Variants in RAF1 observed in about 807,000 individuals in gnomAD.
The protein encoded by RAF1 is Raf-1 proto-oncogene, serine/threonine kinase, also known as RAF proto-oncogene serine/threonine-protein kinase.
A neutral mutation model predicts 81.1 loss-of-function variants in RAF1; 27 were observed. The observed-to-expected ratio is 0.33, with a 90% confidence interval of 0.25 to 0.46. RAF1 has a LOEUF of 0.46. Ranked by LOEUF, RAF1 falls within the 20% of genes least tolerant of loss-of-function variation. The pLI, the probability that RAF1 is intolerant of heterozygous loss-of-function variation, is 1.00. For synonymous variants in RAF1, 298 were observed against 294.0 expected (o/e 1.01, Z -0.14); for missense variants, 598 against 826.0 (o/e 0.72, Z 3.38).
intron 1 of RAF1, among the ~76,000 whole-genome samples, chr3:12,633,853 T>G (rs1243974919): frequency 6.7e-6 from 1 of 149,138 alleles, no homozygotes; most frequent in East Asian, 2.0e-4. Context: ...GAGAATCCCT[T>G]GAACCCAGGA....
intron 1 of RAF1, among the ~76,000 whole-genome samples, chr3:12,648,104 C>T (rs769262663): frequency 3.2e-4 from 48 of 151,996 alleles, no homozygotes; most frequent in African/African-American, 8.9e-4. Context: ...TTTTTTAACC[C>T]GAGTTTTTCT....
chr3:12,644,330 A>G (rs1302381206), intron 1 of RAF1, among the ~76,000 whole-genome samples: 4 of 152,212 alleles, frequency 2.6e-5, no homozygotes, highest in Non-Finnish European at 5.9e-5. Context: ...TATTTTATCA[A>G]CGTCTAGAGA....
intron 2 of RAF1, among the ~76,000 whole-genome samples, chr3:12,615,108 A>G (rs2059333279): frequency 6.6e-6 from 1 of 152,190 alleles, no homozygotes; most frequent in South Asian, 2.1e-4. Flanking sequence ...ACATCCAAGG[A>G]TTCTGATTCA....
At chr3:12,623,868 T>C (rs1466768637) in intron 1 of RAF1, among the ~76,000 whole-genome samples, 12 of 151,182 alleles carry the variant, frequency 7.9e-5, no homozygotes, top group African/African-American at 2.2e-4. Flanking sequence ...TTTCTTTTTT[T>C]TTTTTTGAGA....
chr3:12,585,728 T>C lies in RAF1; in HGVS notation c.1549A>G (p.Ser517Gly). The change falls in exon 15 of 18, where the codon AGT (serine) becomes GGT (glycine). Residue 517 changes from serine (S) to glycine (G), a missense_variant. Ser to Gly is a moderately conservative substitution (Grantham distance 56). This residue lies in a region of RAF1 where 147 missense variants were observed against 196.1 expected (regional missense o/e 0.75). Transcript: ENST00000442415. The stretch of plus-strand genomic sequence containing the variant: ...GGTTGTTCAACCTGCTGAGAACCAC[T>C]CCAGCGTGACTTTACTGTTGCCAAA... 1.9e-6 allele frequency: 3 copies of C among 1,614,228 alleles called. No individual in the cohort carries two copies. In the South Asian group the frequency reaches 3.3e-5, roughly 18 times the overall value.
chr3:12,611,809 C>T, intron 3 of RAF1, 141 bp downstream of exon 3: 2 of 706,222 alleles, frequency 2.8e-6, no homozygotes, highest in Admixed American at 4.6e-5. Flanking sequence ...ACCTATTTTT[C>T]TGAATTATCT....
intron 1 of RAF1, among the ~76,000 whole-genome samples, chr3:12,628,039 G>A (rs2125487006): frequency 6.6e-6 from 1 of 152,360 alleles, no homozygotes; most frequent in South Asian, 2.1e-4. Flanking sequence ...ATAATCGCTT[G>A]AACCTGGGAG....
intron 1 of RAF1, among the ~76,000 whole-genome samples, chr3:12,623,377 G>A (rs929279851): frequency 6.6e-6 from 1 of 152,164 alleles, no homozygotes; most frequent in Admixed American, 6.5e-5. Flanking sequence ...AGAATATACT[G>A]CAATAACTTT....
In RAF1 at chr3:12,583,887, G is replaced by A. The variant is rs879160471; in HGVS notation, c.*627C>T. 1.0e-4 allele frequency: 24 copies of A among 235,054 alleles called. No individual in the cohort carries two copies. Among genetic ancestry groups the A allele is most frequent in the South Asian group, 3.6e-4 (2 of 5,596 alleles). The allele number at this position is 235,054 out of a possible 1,614,324, so 14.6% of individuals were successfully genotyped here. ...CTGCTCCCTGAGAGGGCTGAGATGC[G>A]GATTGGCCGAGTGCCTTGCCTGGAA... On this transcript the variant is annotated 3_prime_UTR_variant, in exon 18 of 18. Transcript: ENST00000442415.
At chr3:12,602,383 TAAAA>T (rs895373868) in intron 8 of RAF1, among the ~76,000 whole-genome samples, 13 of 152,186 alleles carry the variant, frequency 8.5e-5, no homozygotes, top group Admixed American at 7.9e-4. Context: ...TCTTTTATAA[TAAAA>T]ACTCAAAAAT....
At chr3:12,660,220 T>C (rs1575692786) in intron 1 of RAF1, among the ~76,000 whole-genome samples, 2 of 152,164 alleles carry the variant, frequency 1.3e-5, no homozygotes, top group Admixed American at 1.3e-4. Context: ...TGTCAGAAAT[T>C]ACCAGCTTAA....
rs35539372 is a variant in RAF1 at position 12,628,751 on chromosome 3, T to TGGG, written c.-26-10007_-26-10005dup. Among the ~76,000 whole-genome samples, 93 of 82,204 alleles carry TGGG rather than the reference T, an allele frequency of 1.1e-3. 1 individual carries two copies. Among genetic ancestry groups the TGGG allele is most frequent in the Middle Eastern group, 7.9e-3 (1 of 126 alleles). 53.9% of individuals were successfully genotyped at this position (82,204 alleles called of 152,430 possible). On this transcript the variant is annotated intron_variant, in intron 1 of 17. Transcript: ENST00000442415. ...AGTATGATGAACCTGAGACTATTTTTGGGGGGGGGGGGTGGCGGGGCACAT... is the reference window on the plus strand; with the variant it reads ...AGTATGATGAACCTGAGACTATTTTTGGGGGGGGGGGGGGGTGGCGGGGCACAT...
At chr3:12,639,571 A>C (rs1175766587) in intron 1 of RAF1, among the ~76,000 whole-genome samples, 1 of 152,142 alleles carries the variant, frequency 6.6e-6, no homozygotes, top group African/African-American at 2.4e-5. Context: ...ATTCCTATAC[A>C]CCAATAACAG....
intron 1 of RAF1, among the ~76,000 whole-genome samples, chr3:12,622,888 C>T (rs1466834611): frequency 6.6e-6 from 1 of 152,092 alleles, no homozygotes; most frequent in African/African-American, 2.4e-5. Context: ...GTCAGCCGGG[C>T]GCAGTTGTTC....
intron 11 of RAF1, among the ~76,000 whole-genome samples, chr3:12,594,036 G>C (rs1023221452): frequency 1.3e-5 from 2 of 152,140 alleles, no homozygotes; most frequent in Non-Finnish European, 2.9e-5. Context: ...CAGAAATAAA[G>C]GTGAGGTGAG....
chr3:12,585,401 C>T (rs986721281), intron 15 of RAF1, 148 bp from the exon 15 acceptor site: 123 of 1,533,212 alleles, frequency 8.0e-5, no homozygotes, highest in Non-Finnish European at 1.0e-4. Flanking sequence ...GACTCCAACT[C>T]AGGCACTGGT....
chr3:12,650,974 C>G (rs187289110), intron 1 of RAF1, among the ~76,000 whole-genome samples: 1 of 152,062 alleles, frequency 6.6e-6, no homozygotes. Flanking sequence ...AAAACAAAAG[C>G]TAAAGTGTGC....
Position 12,585,767 on chromosome 3 carries a change from T to C in RAF1, c.1510A>G (p.Ile504Val), listed in dbSNP as rs2058314665. 2 of 1,613,876 alleles carry C rather than the reference T, an allele frequency of 1.2e-6. No individual in the cohort carries two copies. The highest frequency in any genetic ancestry group is 1.7e-6 in the Non-Finnish European group (2 of 1,179,878). ...ACTGTTGCCAAACCAAAATCTCCAA[T>C]TTTCACTGTTAAGCCTTCATGGAGA... The change falls in exon 15 of 18, where the codon ATT becomes GTT. Residue 504 changes from isoleucine to valine, a missense_variant. Ile to Val is a conservative substitution (Grantham distance 29). Transcript: ENST00000442415.
At position 12,584,601 on chromosome 3, in the gene RAF1, A is replaced by G. The variant is rs2125316647; in HGVS notation, c.1920T>C (p.Ala640=). 6.2e-7 allele frequency: 1 copy of G among 1,614,120 alleles called. No individual in the cohort carries two copies. Among genetic ancestry groups the G allele is most frequent in the Non-Finnish European group, 8.5e-7 (1 of 1,179,988 alleles). The change falls in exon 18 of 18, where the codon GCT becomes GCC. Residue 640 remains alanine (A), a synonymous_variant. Coordinates refer to ENST00000442415, the MANE Select transcript of RAF1 (RefSeq NM_001354689.3). ...CTGCCCGATGCAAGGATGGCTCGGA[A>G]GCGCTCCGGTTGATCTTCGGTAGAG...
Sources: gnomAD v4.1 joint callset for allele counts (sites outside exome capture counted in the v4.1 genomes callset) on GRCh38, gnomAD v4.1.1 for gene constraint, gnomAD v4.1.1 regional missense constraint, MANE v1.5 for transcripts, NCBI Gene and HGNC (gene_info 2026-07-23, HGNC 2026-07-21) for gene names.